The following RBL2 variants were observed in gnomAD, a reference collection of about 807,000 sequenced individuals.
RBL2 encodes RB transcriptional corepressor like 2, also known as retinoblastoma-like protein 2.
A neutral mutation model predicts 126.0 loss-of-function variants in RBL2; 56 were observed. That is an observed-to-expected ratio of 0.44 (90% confidence interval 0.36 to 0.56). The LOEUF (loss-of-function observed/expected upper bound fraction) is 0.56, where lower values mean the gene tolerates loss of function less well. Ranked by LOEUF, RBL2 falls within the 20% of genes least tolerant of loss-of-function variation. The probability of loss-of-function intolerance (pLI) is 0.00; values close to 1 mark genes in which losing one functional copy is unlikely to be tolerated. For missense variants in RBL2, 1,229 were observed against 1,398.2 expected, an observed-to-expected ratio of 0.88 and a Z score of 1.93; for synonymous variants, 454 against 478.5, an observed-to-expected ratio of 0.95 and a Z score of 0.67.
intron 4 of RBL2, among the ~76,000 whole-genome samples, chr16:53,450,486 A>G (rs1354275238): frequency 1.3e-5 from 2 of 152,226 alleles, no homozygotes; most frequent in African/African-American, 2.4e-5. Context: ...ACCATGAAGC[A>G]TACATGTGCA....
chr16:53,445,418 A>G (rs2058052854), intron 3 of RBL2, among the ~76,000 whole-genome samples: 1 of 152,108 alleles, frequency 6.6e-6, no homozygotes, highest in Non-Finnish European at 1.5e-5. Context: ...TGTTAACTAT[A>G]GTCATAATGT....
chr16:53,459,755 T>C (rs2058202174), intron 9 of RBL2, 138 bp downstream of exon 9: 1 of 746,776 alleles, frequency 1.3e-6, no homozygotes, highest in Non-Finnish European at 2.0e-6. Flanking sequence ...TGTGAGTCTA[T>C]AGAGGACCTA....
intron 21 of RBL2, 134 bp downstream of exon 21, chr16:53,481,969 G>T: frequency 6.1e-6 from 6 of 986,306 alleles, no homozygotes; most frequent in African/African-American, 1.7e-5. Flanking sequence ...CAGTCCTCAT[G>T]AAGCAAAACC....
At chr16:53,467,402 T>C (rs2058282453) in intron 14 of RBL2, among the ~76,000 whole-genome samples, 1 of 152,168 alleles carries the variant, frequency 6.6e-6, no homozygotes, top group Admixed American at 6.5e-5. Context: ...TTTATTTATT[T>C]ATTGAGACAG....
chr16:53,440,000 T>C (rs1401149256), intron 2 of RBL2, among the ~76,000 whole-genome samples: 1 of 146,994 alleles, frequency 6.8e-6, no homozygotes, highest in Non-Finnish European at 1.5e-5. Context: ...TTAAAATAAT[T>C]AGCAGGCTGG....
chr16:53,454,786 A>G lies in RBL2; in HGVS notation c.1123A>G (p.Thr375Ala), dbSNP rs775966972. 6.2e-7 allele frequency: 1 copy of G among 1,614,042 alleles called. No individual in the cohort carries two copies. Among genetic ancestry groups the G allele is most frequent in the South Asian group, 1.1e-5 (1 of 91,066 alleles). ...AAGGTGTCTGAACGCTGGTTCAGGA[A>G]CAGAGACTGCTGAAAGGGTGCAGAT... Reference protein sequence around the residue: ...LSRCLNAGSGTETAERVQMKN... With the variant: ...LSRCLNAGSGAETAERVQMKN... The change falls in exon 8 of 22, where the codon ACA (threonine) becomes GCA (alanine). Residue 375 changes from threonine (T) to alanine (A), a missense_variant. Transcript: ENST00000262133.
chr16:53,468,197 T>G (rs531858017), intron 14 of RBL2, among the ~76,000 whole-genome samples: 2 of 152,210 alleles, frequency 1.3e-5, no homozygotes, highest in Non-Finnish European at 2.9e-5. Flanking sequence ...AGTTTTATAA[T>G]GTAATTGATA....
intron 1 of RBL2, 98 bp downstream of exon 1, chr16:53,434,894 C>T (rs1026812890): frequency 2.2e-6 from 3 of 1,387,202 alleles, no homozygotes; most frequent in Non-Finnish European, 2.8e-6. Context: ...GGGCGGGTTG[C>T]GGGCTCCCAG....
chr16:53,438,069 T>G (rs2057976475), intron 1 of RBL2, among the ~76,000 whole-genome samples: 1 of 152,156 alleles, frequency 6.6e-6, no homozygotes, highest in Non-Finnish European at 1.5e-5. Context: ...TAATATTGTT[T>G]GCATTACTAT....
chr16:53,491,258 G>GTGAT lies in RBL2; in HGVS notation c.*959_*962dup, dbSNP rs946099053. 6 of 152,040 alleles carry GTGAT rather than the reference G, an allele frequency of 3.9e-5. No individual in the cohort carries two copies. The highest frequency in any genetic ancestry group is 1.4e-4 in the African/African-American group (6 of 41,404). 9.4% of individuals were successfully genotyped at this position (152,040 alleles called of 1,614,324 possible). On this transcript the variant is annotated 3_prime_UTR_variant, in exon 22 of 22. Coordinates refer to ENST00000262133, the MANE Select transcript of RBL2 (RefSeq NM_005611.4). ...TTATCTAAAAGAAATGTCTATTAAG[G>GTGAT]TGATATATTTAAAAATATTTTTGGG...
At chr16:53,469,489 A>C (rs1003270556) in intron 14 of RBL2, among the ~76,000 whole-genome samples, 1 of 152,230 alleles carries the variant, frequency 6.6e-6, no homozygotes, top group Non-Finnish European at 1.5e-5. Context: ...CCCCTTATCA[A>C]GTAGTGGCTC....
intron 11 of RBL2, 112 bp from the exon 12 acceptor site, chr16:53,464,114 C>A: frequency 1.2e-6 from 1 of 833,520 alleles, no homozygotes; most frequent in Non-Finnish European, 1.7e-6. Context: ...ACACACTTTG[C>A]ACTCACTCAG....
At chr16:53,438,081 GC>G (rs1282371498) in intron 1 of RBL2, among the ~76,000 whole-genome samples, 3 of 152,036 alleles carry the variant, frequency 2.0e-5, no homozygotes, top group Non-Finnish European at 2.9e-5. Flanking sequence ...CATTACTATG[GC>G]TATATAGCAA....
intron 21 of RBL2, 47 bp downstream of exon 21, chr16:53,481,882 A>C (rs1196504351): frequency 4.2e-5 from 64 of 1,525,258 alleles, no homozygotes; most frequent in Non-Finnish European, 5.7e-5. Flanking sequence ...AAAATGCTTC[A>C]GATGCTAGAA....
At chr16:53,487,389 CAT>C (rs1291346501) in intron 21 of RBL2, among the ~76,000 whole-genome samples, 1 of 152,178 alleles carries the variant, frequency 6.6e-6, no homozygotes, top group Non-Finnish European at 1.5e-5. Context: ...ATAGACAACA[CAT>C]GTATGGTAAA....
In RBL2 at chr16:53,444,281, C is replaced by G. The variant is rs560930294; in HGVS notation, c.572+1423C>G. 5.3e-5 allele frequency among the ~76,000 whole-genome samples: 8 copies of G among 150,568 alleles called. No individual in the cohort carries two copies. The East Asian group carries it at 1.6e-3, about 30-fold the overall frequency. On this transcript the variant is annotated intron_variant, in intron 3 of 21. Transcript: ENST00000262133. ...AAGTAAACAAATAAAAGGAGGTATTCTGGCTGAGTGCCTGTAATCCCAGCA... is the reference window on the plus strand; with the variant it reads ...AAGTAAACAAATAAAAGGAGGTATTGTGGCTGAGTGCCTGTAATCCCAGCA...
intron 3 of RBL2, among the ~76,000 whole-genome samples, chr16:53,445,433 CACTT>C (rs1359747134): frequency 6.6e-6 from 1 of 151,906 alleles, no homozygotes; most frequent in Non-Finnish European, 1.5e-5. Context: ...TAATGTATAG[CACTT>C]ACTGAGCATT....
At chr16:53,477,230 T>A (rs906502492) in intron 17 of RBL2, among the ~76,000 whole-genome samples, 1 of 152,258 alleles carries the variant, frequency 6.6e-6, no homozygotes, top group Non-Finnish European at 1.5e-5. Flanking sequence ...TACATTGTTA[T>A]AATTATTGAT....
Position 53,450,182 on chromosome 16 carries a change from G to T in RBL2, c.638-1521G>T, listed in dbSNP as rs1598096518. The stretch of plus-strand genomic sequence containing the variant: ...CAGTTTAATGTGTTGATTATCGTTT[G>T]CCTCTTTGGCAGAGAAGAATTTTTT... On this transcript the variant is annotated intron_variant, in intron 4 of 21. Coordinates refer to ENST00000262133, the MANE Select transcript of RBL2 (RefSeq NM_005611.4). 1.3e-5 allele frequency among the ~76,000 whole-genome samples: 2 copies of T among 152,174 alleles called. 1 individual carries two copies. The highest frequency in any genetic ancestry group is 4.2e-4 in the South Asian group (2 of 4,816).
Sources: allele counts gnomAD v4.1 joint callset (sites outside exome capture counted in the v4.1 genomes callset), GRCh38; gene constraint gnomAD v4.1.1; transcripts MANE v1.5; gene names NCBI Gene and HGNC (gene_info 2026-07-23, HGNC 2026-07-21).